TEAD1: variants seen among roughly 807,000 people sequenced by gnomAD.
TEAD1 encodes TEA domain transcription factor 1.
Under a neutral mutation model 54.9 loss-of-function variants are expected in TEAD1, and 9 were observed. The observed-to-expected ratio is 0.16, with a 90% CI of 0.10 to 0.29. The LOEUF is 0.29. Among genes scored for constraint, TEAD1 ranks in the 10% least tolerant of loss-of-function variants. The pLI is 1.00. For missense variants in TEAD1, 387 were observed against 535.9 expected (o/e 0.72, Z 2.74); for synonymous variants, 200 against 187.8 (o/e 1.07, Z -0.53).
intron 2 of TEAD1, among the ~76,000 whole-genome samples, chr11:12,701,143 G>A (rs1038150283): frequency 4.6e-5 from 7 of 152,270 alleles, no homozygotes; most frequent in African/African-American, 1.2e-4. Context: ...TAATAAAACT[G>A]CATTTATCCT....
At chr11:12,796,280 G>A (rs1474795782) in intron 3 of TEAD1, among the ~76,000 whole-genome samples, 1 of 152,218 alleles carries the variant, frequency 6.6e-6, no homozygotes, top group Non-Finnish European at 1.5e-5. Flanking sequence ...ATAGTGGGCA[G>A]TCAGTGCTTG....
chr11:12,740,131 C>T (rs1160532368), intron 2 of TEAD1, among the ~76,000 whole-genome samples: 1 of 152,204 alleles, frequency 6.6e-6, no homozygotes, highest in Non-Finnish European at 1.5e-5. Context: ...ATCAATTAAA[C>T]TCTGGAGTCA....
In TEAD1 at chr11:12,917,780, G is replaced by A. The variant is rs561976997; in HGVS notation, c.874-7132G>A. ...GGGTCTCTGTTTCTAGAGCAAACAGGGAGAAGATTTCTTAGAAGGACTCAT... is the reference window on the plus strand; with the variant it reads ...GGGTCTCTGTTTCTAGAGCAAACAGAGAGAAGATTTCTTAGAAGGACTCAT... On this transcript the variant is annotated intron_variant, in intron 10 of 12. Transcript: ENST00000527636. 2.0e-5 allele frequency among the ~76,000 whole-genome samples: 3 copies of A among 152,248 alleles called. No homozygotes were observed. The South Asian group carries it at 6.2e-4, about 32-fold the overall frequency.
At chr11:12,697,486 A>G (rs1943610163) in intron 2 of TEAD1, among the ~76,000 whole-genome samples, 1 of 152,206 alleles carries the variant, frequency 6.6e-6, no homozygotes, top group Admixed American at 6.5e-5. Context: ...AAATTATTTT[A>G]GAGGATAGAT....
At chr11:12,757,721 A>C (rs774121176) in intron 2 of TEAD1, among the ~76,000 whole-genome samples, 1 of 152,160 alleles carries the variant, frequency 6.6e-6, no homozygotes, top group Non-Finnish European at 1.5e-5. Flanking sequence ...AATCTCAGTC[A>C]TGTTGTTATC....
At chr11:12,851,033 T>C (rs1001188299) in intron 3 of TEAD1, 2 of 976,380 alleles carry the variant, frequency 2.0e-6, no homozygotes, top group Non-Finnish European at 2.4e-6. Flanking sequence ...CTGTCTAATT[T>C]TCATAATCTT....
intron 2 of TEAD1, among the ~76,000 whole-genome samples, chr11:12,758,405 G>GTCT (rs1745076849): frequency 2.3e-5 from 2 of 85,746 alleles, no homozygotes; most frequent in African/African-American, 1.0e-4. Context: ...CGCCCAGCTA[G>GTCT]TTTTTTTTTT....
At chr11:12,928,709 GT>G (rs1340382538) in intron 11 of TEAD1, among the ~76,000 whole-genome samples, 1 of 152,078 alleles carries the variant, frequency 6.6e-6, no homozygotes. Flanking sequence ...GTCTTTATAT[GT>G]TTTTTAGCAT....
At chr11:12,797,930 A>G (rs1374381256) in intron 3 of TEAD1, among the ~76,000 whole-genome samples, 1 of 151,816 alleles carries the variant, frequency 6.6e-6, no homozygotes, top group African/African-American at 2.4e-5. Flanking sequence ...TTGTATGTTC[A>G]TTTTTCCTTT....
intron 5 of TEAD1, among the ~76,000 whole-genome samples, chr11:12,879,148 A>G (rs987761738): frequency 6.6e-6 from 1 of 151,592 alleles, no homozygotes; most frequent in African/African-American, 2.4e-5. Flanking sequence ...GTTACCCCCA[A>G]CCCCCGCTGC....
rs191927470 is a variant in TEAD1, at chr11:12,933,387, T to G, written c.1167+3061T>G. 6.2e-4 allele frequency among the ~76,000 whole-genome samples: 95 copies of G among 152,304 alleles called. 1 individual carries two copies. The East Asian group carries it at 0.012, about 19-fold the overall frequency. On this transcript the variant is annotated intron_variant, in intron 12 of 12. Coordinates refer to ENST00000527636, the MANE Select transcript of TEAD1 (RefSeq NM_021961.6). ...GATTTTGAAAATAAAATCATCTAAT[T>G]GATGAACAGGAGAAATTGTACCTCA...
intron 2 of TEAD1, among the ~76,000 whole-genome samples, chr11:12,723,849 G>T (rs1458249117): frequency 6.6e-6 from 1 of 152,120 alleles, no homozygotes; most frequent in Non-Finnish European, 1.5e-5. Context: ...TGTGTTTGAG[G>T]GTGTAATCTT....
chr11:12,801,136 CA>C (rs1946051273), intron 3 of TEAD1, among the ~76,000 whole-genome samples: 1 of 152,154 alleles, frequency 6.6e-6, no homozygotes, highest in South Asian at 2.1e-4. Context: ...CTGCCATCTG[CA>C]AAGCAAGAAT....
intron 9 of TEAD1, among the ~76,000 whole-genome samples, chr11:12,885,493 T>C (rs898169765): frequency 6.6e-6 from 1 of 152,074 alleles, no homozygotes; most frequent in Admixed American, 6.6e-5. Flanking sequence ...CGCCTAGGCC[T>C]CCCGAAGTGC....
chr11:12,826,862 G>A (rs566584595), intron 3 of TEAD1, among the ~76,000 whole-genome samples: 1 of 152,292 alleles, frequency 6.6e-6, no homozygotes, highest in African/African-American at 2.4e-5. Flanking sequence ...CCTAGGCATT[G>A]CATGTAGAGT....
Position 12,901,954 on chromosome 11 carries a change from C to A in TEAD1, c.714C>A (p.Leu238=). 4.3e-6 allele frequency: 7 copies of A among 1,614,208 alleles called. No individual in the cohort carries two copies. The highest frequency in any genetic ancestry group is 5.1e-6 in the Non-Finnish European group (6 of 1,180,038). ...GTTTCTTACAGTACAACAAACACCT[C>A]TTCGTGCACATTGGGCATGCCAACC... The change falls in exon 10 of 13, where the codon CTC becomes CTA. Residue 238 remains leucine (L), a synonymous_variant. Transcript: ENST00000527636.
chr11:12,754,214 ATTCAAACAGG>A (rs1944938268), intron 2 of TEAD1, among the ~76,000 whole-genome samples: 1 of 152,230 alleles, frequency 6.6e-6, no homozygotes, highest in South Asian at 2.1e-4. Context: ...AGCTGCATTT[ATTCAAACAGG>A]TTCATTTTAT....
intron 9 of TEAD1, among the ~76,000 whole-genome samples, chr11:12,895,120 A>G (rs1948285009): frequency 6.6e-6 from 1 of 152,124 alleles, no homozygotes; most frequent in Admixed American, 6.5e-5. Flanking sequence ...CAGGCTCCCT[A>G]AGCAGCAAAG....
intron 3 of TEAD1, among the ~76,000 whole-genome samples, chr11:12,781,311 T>G (rs1397573840): frequency 6.6e-6 from 1 of 152,002 alleles, no homozygotes; most frequent in East Asian, 1.9e-4. Context: ...AGTGGTAAAG[T>G]AAAAATAGAG....
Sources: allele counts gnomAD v4.1 joint callset (sites outside exome capture counted in the v4.1 genomes callset), GRCh38; gene constraint gnomAD v4.1.1; transcripts MANE v1.5; gene names NCBI Gene and HGNC (gene_info 2026-07-23, HGNC 2026-07-21).